The following RSRP1 variants were observed in gnomAD, a reference collection of about 807,000 sequenced individuals.
RSRP1 encodes arginine and serine rich protein 1.
In RSRP1, 37 loss-of-function variants were observed where a neutral mutation model predicts 33.0. The observed-to-expected ratio is 1.12, with a 90% CI of 0.86 to 1.48. RSRP1 has a LOEUF of 1.48. Ranked by LOEUF, RSRP1 falls within the 40% of genes most tolerant of loss-of-function variation. RSRP1 has a pLI of 0.00. For missense variants in RSRP1, 402 were observed against 385.3 expected (o/e 1.04, Z -0.36); for synonymous variants, 167 against 158.7 (o/e 1.05, Z -0.40).
At position 25,309,268 on chromosome 1, in the gene RSRP1, C is replaced by T. The variant is rs1424093742; in HGVS notation, c.-67+28710G>A. Among the ~76,000 whole-genome samples the T allele has an allele frequency of 9.1e-5, 12 of 131,842 alleles. 4 individuals are homozygous for T. The highest frequency in any genetic ancestry group is 2.0e-4 in the East Asian group (1 of 5,128). 86.5% of individuals were successfully genotyped at this position (131,842 alleles called of 152,430 possible). A position where few individuals can be genotyped will look rare whatever the true frequency, so the allele number is the denominator to read the frequency against. On this transcript the variant is annotated intron_variant, in intron 1 of 1. Coordinates refer to the RSRP1 transcript ENST00000561867. ...AATGGGAAGGCACACTGAAATGGCA[C>T]TGAATCATGCAGTTGCAGATACTCT...
chr1:25,268,621 G>A (rs1285639335), intron 1 of RSRP1, among the ~76,000 whole-genome samples: 2 of 130,412 alleles, frequency 1.5e-5, no homozygotes, highest in Non-Finnish European at 3.6e-5. Context: ...GTCAAGGGGA[G>A]AAGAAAGGGG....
At chr1:25,285,576 T>C (rs1390470359) in intron 1 of RSRP1, among the ~76,000 whole-genome samples, 3 of 135,104 alleles carry the variant, frequency 2.2e-5, no homozygotes, top group South Asian at 2.2e-4. Flanking sequence ...TCACAACTAA[T>C]GTATGGTGCC....
In RSRP1 at chr1:25,280,608, T is replaced by C. The variant is rs1040932814; in HGVS notation, c.-66-33579A>G. Reference sequence around the variant, plus strand: ...GACATAAGCCACTGTGCCTGGCCTTTTTTTTTTTTTTTTTTTTGTAAACAG... The same window carrying C: ...GACATAAGCCACTGTGCCTGGCCTTCTTTTTTTTTTTTTTTTTGTAAACAG... On this transcript the variant is annotated intron_variant, in intron 1 of 1. Coordinates refer to the RSRP1 transcript ENST00000561867. 2.0e-4 allele frequency among the ~76,000 whole-genome samples: 6 copies of C among 29,560 alleles called. 2 individuals are homozygous for C. The highest frequency in any genetic ancestry group is 1.0e-3 in the Non-Finnish European group (5 of 4,886). 19.4% of individuals were successfully genotyped at this position (29,560 alleles called of 152,430 possible).
In RSRP1 at chr1:25,246,997, G is replaced by A; in HGVS notation, c.-34C>T. The A allele has an allele frequency of 6.6e-7, 1 of 1,520,908 alleles. No individual in the cohort carries two copies. The highest frequency in any genetic ancestry group is 1.3e-5 in the South Asian group (1 of 79,478). The allele number at this position is 1,520,908 out of a possible 1,614,324, so 94.2% of individuals were successfully genotyped here. ...GCGGCTTTAGCCTGCGCTTTCTCCG[G>A]AAAGGATCCCGCAAGCCTCAACTCA... is the stretch of plus-strand genomic sequence containing the variant. On this transcript the variant is annotated 5_prime_UTR_variant, in exon 2 of 5. Coordinates refer to ENST00000243189, the MANE Select transcript of RSRP1 (RefSeq NM_020317.5).
At chr1:25,277,115 T>C (rs1275959754) in intron 1 of RSRP1, among the ~76,000 whole-genome samples, 2 of 132,788 alleles carry the variant, frequency 1.5e-5, no homozygotes, top group African/African-American at 5.1e-5. Flanking sequence ...CTGCCATTAG[T>C]TGCAATATGA....
rs28451966 is a variant in RSRP1, at chr1:25,295,850, A to C, written c.-67+42128T>G. On this transcript the variant is annotated intron_variant, in intron 1 of 1. Coordinates refer to the RSRP1 transcript ENST00000561867. ...AATGGTCTGGGAGGGAATATGGGAA[A>C]TTTTTTTTTTTTTTTTTTTTTTTTT... Among the ~76,000 whole-genome samples the C allele has an allele frequency of 2.5e-5, 2 of 81,320 alleles. 1 individual carries two copies. Among genetic ancestry groups the C allele is most frequent in the Non-Finnish European group, 5.5e-5 (2 of 36,174 alleles). The allele number at this position is 81,320 out of a possible 152,430, so 53.3% of individuals were successfully genotyped here.
Position 25,246,459 on chromosome 1 carries a change from GA to G in RSRP1, c.504del (p.Arg169AlafsTer2). 9 of 1,613,044 alleles carry G rather than the reference GA, an allele frequency of 5.6e-6. No individual in the cohort carries two copies. Among genetic ancestry groups the G allele is most frequent in the Non-Finnish European group, 7.6e-6 (9 of 1,179,130 alleles). ...ACCCACCCACCTTTTTCACTTAAGCGAAAGGGGGTTCTGCTCCGCGACCTCG... is the reference window on the plus strand; with the variant it reads ...ACCCACCCACCTTTTTCACTTAAGCGAAGGGGGTTCTGCTCCGCGACCTCG... ...SRTRSRSRTP[F>X]RLSEKDRMEL... is the part of the protein sequence containing the mutation. On this transcript the variant is annotated frameshift_variant, in exon 2 of 5. Transcript: ENST00000243189. LOFTEE classifies it high-confidence loss of function.
At position 25,293,676 on chromosome 1, in the gene RSRP1, T is replaced by C. The variant is rs899855564; in HGVS notation, c.-67+44302A>G. 1.5e-5 allele frequency among the ~76,000 whole-genome samples: 2 copies of C among 131,656 alleles called. 1 individual carries two copies. Among genetic ancestry groups the C allele is most frequent in the Non-Finnish European group, 3.6e-5 (2 of 55,812 alleles). 86.4% of individuals were successfully genotyped at this position (131,656 alleles called of 152,430 possible). Reference sequence around the variant, plus strand: ...CTAATTTTAAAATTTCCCTAGTATATGTAACCATCAGTAGGTGGTATCTAC... The same window carrying C: ...CTAATTTTAAAATTTCCCTAGTATACGTAACCATCAGTAGGTGGTATCTAC... On this transcript the variant is annotated intron_variant, in intron 1 of 1. Coordinates refer to the RSRP1 transcript ENST00000561867.
intron 1 of RSRP1, chr1:25,307,931 A>G: frequency 1.1e-6 from 1 of 875,106 alleles, no homozygotes; most frequent in Non-Finnish European, 1.8e-6. Context: ...AATTCTAAGC[A>G]GAACCTTTCC....
rs112590107 is a variant in RSRP1, at chr1:25,289,203, T to C, written c.-66-42174A>G. On this transcript the variant is annotated intron_variant, in intron 1 of 1. Transcript: ENST00000561867. ...CGATTTTACAGAGAGTGAATTTTTT[T>C]TGTGTGTGTGTGAGGCAGTCTTACT... is the stretch of plus-strand genomic sequence containing the variant. 5.3e-5 allele frequency among the ~76,000 whole-genome samples: 7 copies of C among 132,092 alleles called. 2 individuals carry two copies. Among genetic ancestry groups the C allele is most frequent in the South Asian group, 2.3e-4 (1 of 4,300 alleles). The allele number at this position is 132,092 out of a possible 152,430, so 86.7% of individuals were successfully genotyped here. A position where few individuals can be genotyped will look rare whatever the true frequency, so the allele number is the denominator to read the frequency against.
intron 1 of RSRP1, 74 bp downstream of exon 1, chr1:25,247,235 G>A (rs1044608473): frequency 1.2e-5 from 5 of 426,244 alleles, no homozygotes; most frequent in African/African-American, 6.3e-5. Flanking sequence ...CGCGGGGCCC[G>A]GCACGTTTCC....
intron 1 of RSRP1, among the ~76,000 whole-genome samples, chr1:25,256,000 TGGCAAA>T (rs749712840): frequency 1.3e-5 from 2 of 152,150 alleles, no homozygotes; most frequent in Non-Finnish European, 2.9e-5. Context: ...CACCTTCCAT[TGGCAAA>T]GGGTGATACA....
At position 25,332,025 on chromosome 1, in the gene RSRP1, C is replaced by A. The variant is rs1645022805; in HGVS notation, c.-67+5953G>T. 1.6e-5 allele frequency among the ~76,000 whole-genome samples: 2 copies of A among 124,026 alleles called. 1 individual carries two copies. Among genetic ancestry groups the A allele is most frequent in the Non-Finnish European group, 3.8e-5 (2 of 52,724 alleles). The allele number at this position is 124,026 out of a possible 152,430, so 81.4% of individuals were successfully genotyped here. ...AAAGTGCTGGGATTACAGGCATGAGCCACCGCGCCCAGCAGATTTTTTTTT... is the reference window on the plus strand; with the variant it reads ...AAAGTGCTGGGATTACAGGCATGAGACACCGCGCCCAGCAGATTTTTTTTT... On this transcript the variant is annotated intron_variant, in intron 1 of 1. Coordinates refer to the RSRP1 transcript ENST00000561867.
chr1:25,247,267 C>T (rs1243435961), intron 1 of RSRP1, 42 bp downstream of exon 1: 6 of 367,532 alleles, frequency 1.6e-5, no homozygotes, highest in African/African-American at 4.2e-5. Flanking sequence ...CCTGAGAGAC[C>T]ACTGCGGTGG....
intron 1 of RSRP1, among the ~76,000 whole-genome samples, chr1:25,282,960 C>T (rs28721445): frequency 0.024 from 3,218 of 131,870 alleles, 523 homozygotes; most frequent in African/African-American, 0.077. Context: ...AAGTAAAACA[C>T]CTCCCAAACT....
Position 25,300,647 on chromosome 1 carries a change from T to C in RSRP1, c.-67+37331A>G, listed in dbSNP as rs1332708720. On this transcript the variant is annotated intron_variant, in intron 1 of 1. Coordinates refer to the RSRP1 transcript ENST00000561867. ...AAACACGGTGAAACCCCATCTCTAC[T>C]AAAAATACAAAATTAGCCCAGCGTA... is the stretch of plus-strand genomic sequence containing the variant. Among the ~76,000 whole-genome samples the C allele has an allele frequency of 2.3e-5, 3 of 130,262 alleles. 1 individual carries two copies. The highest frequency in any genetic ancestry group is 7.4e-5 in the Admixed American group (1 of 13,522). 85.5% of individuals were successfully genotyped at this position (130,262 alleles called of 152,430 possible).
At chr1:25,262,380 T>G (rs1640184931) in intron 1 of RSRP1, among the ~76,000 whole-genome samples, 1 of 152,150 alleles carries the variant, frequency 6.6e-6, no homozygotes, top group South Asian at 2.1e-4. Flanking sequence ...TGTATTCTAA[T>G]GGAAGAAACA....
rs1189378759 is a variant in RSRP1, at chr1:25,300,342, T to C, written c.-67+37636A>G. On this transcript the variant is annotated intron_variant, in intron 1 of 1. Coordinates refer to the RSRP1 transcript ENST00000561867. ...GCCTGAGCAACATAGCAAGATTCCA[T>C]CTTTACACAAAATTTAAAAATTGGC... 3.1e-5 allele frequency among the ~76,000 whole-genome samples: 4 copies of C among 129,308 alleles called. 1 individual carries two copies. The highest frequency in any genetic ancestry group is 5.5e-5 in the Non-Finnish European group (3 of 55,038). The allele number at this position is 129,308 out of a possible 152,430, so 84.8% of individuals were successfully genotyped here.
chr1:25,287,670 C>T (rs544111698), intron 1 of RSRP1, among the ~76,000 whole-genome samples: 1 of 135,382 alleles, frequency 7.4e-6, no homozygotes, highest in Non-Finnish European at 1.8e-5. Flanking sequence ...TAGCAAATGG[C>T]TATTGGAGCA....
Sources: allele counts gnomAD v4.1 joint callset (sites outside exome capture counted in the v4.1 genomes callset), GRCh38; gene constraint gnomAD v4.1.1; transcripts MANE v1.5; gene names NCBI Gene and HGNC (gene_info 2026-07-23, HGNC 2026-07-21).